The following MTDH variants were observed in gnomAD, a reference collection of about 807,000 sequenced individuals.
MTDH encodes metadherin.
MTDH carries 34 observed loss-of-function variants against 72.7 expected under a neutral mutation model. The ratio of observed to expected loss-of-function variants is 0.47; its 90% CI spans 0.36 to 0.62. The LOEUF is 0.62. Among genes scored for constraint, MTDH ranks in the 20% least tolerant of loss-of-function variants. MTDH has a pLI of 0.00. For missense variants in MTDH, 677 were observed against 699.4 expected (o/e 0.97, Z 0.36); for synonymous variants, 266 against 268.9 (o/e 0.99, Z 0.10).
intron 7 of MTDH, among the ~76,000 whole-genome samples, chr8:97,705,339 C>A (rs541369327): frequency 6.6e-6 from 1 of 151,478 alleles, no homozygotes; most frequent in Non-Finnish European, 1.5e-5. Context: ...TGGTGCCTCA[C>A]GCCTATAATC....
At chr8:97,723,916 T>C (rs1815248426) in intron 11 of MTDH, among the ~76,000 whole-genome samples, 1 of 152,012 alleles carries the variant, frequency 6.6e-6, no homozygotes, top group Non-Finnish European at 1.5e-5. Context: ...AAGACCAGCG[T>C]GGCCAACATG....
At chr8:97,682,592 C>T (rs893914384) in intron 2 of MTDH, among the ~76,000 whole-genome samples, 5 of 151,746 alleles carry the variant, frequency 3.3e-5, no homozygotes, top group Non-Finnish European at 5.9e-5. Flanking sequence ...TGAGCCACCG[C>T]ACCTGGCCTT....
rs1812772889 is a variant in MTDH, at chr8:97,674,768, A to G, written c.484-11900A>G. On this transcript the variant is annotated intron_variant, in intron 2 of 11. Coordinates refer to ENST00000336273, the MANE Select transcript of MTDH (RefSeq NM_178812.4). Reference sequence around the variant, plus strand: ...TAGTTGAAAACCTTATACACCAGTCAGTAGTCTGCAGACCAAAACATCATA... The same window carrying G: ...TAGTTGAAAACCTTATACACCAGTCGGTAGTCTGCAGACCAAAACATCATA... 2.0e-5 allele frequency among the ~76,000 whole-genome samples: 3 copies of G among 152,196 alleles called. 1 individual carries two copies. The South Asian group carries it at 6.2e-4, about 31-fold the overall frequency.
chr8:97,659,211 G>A (rs983891401), intron 1 of MTDH, among the ~76,000 whole-genome samples: 2 of 151,802 alleles, frequency 1.3e-5, no homozygotes, highest in African/African-American at 4.8e-5. Flanking sequence ...ATGTAGATAC[G>A]GCCCTAAGTC....
chr8:97,679,699 A>C (rs1812993256), intron 2 of MTDH, among the ~76,000 whole-genome samples: 1 of 152,254 alleles, frequency 6.6e-6, no homozygotes, highest in African/African-American at 2.4e-5. Flanking sequence ...TCAGTGTAGT[A>C]GAATGTGTAT....
chr8:97,653,642 G>C (rs1441103611), intron 1 of MTDH, among the ~76,000 whole-genome samples: 1 of 152,124 alleles, frequency 6.6e-6, no homozygotes, highest in Non-Finnish European at 1.5e-5. Context: ...ATTCATTTTT[G>C]TTGTGCTTTG....
rs1814024388 is a variant in MTDH, at chr8:97,699,696, AT to A, written c.1049-57del. On this transcript the variant is annotated intron_variant, in intron 6 of 11. Coordinates refer to ENST00000336273, the MANE Select transcript of MTDH (RefSeq NM_178812.4). Reference sequence around the variant, plus strand: ...CGTGTCAAAGTATAGAACTATTGTTATGAAACATCATTAGGAAATTCCATTT... The same window carrying A: ...CGTGTCAAAGTATAGAACTATTGTTAGAAACATCATTAGGAAATTCCATTT... 5 of 1,177,608 alleles carry A rather than the reference AT, an allele frequency of 4.2e-6. No homozygotes were observed. The Admixed American group carries it at 6.9e-5, about 16-fold the overall frequency. 72.9% of individuals were successfully genotyped at this position (1,177,608 alleles called of 1,614,324 possible). A position where few individuals can be genotyped will look rare whatever the true frequency, so the allele number is the denominator to read the frequency against.
At position 97,682,260 on chromosome 8, in the gene MTDH, A is replaced by T. The variant is rs1319109593; in HGVS notation, c.484-4408A>T. Among the ~76,000 whole-genome samples the T allele has an allele frequency of 3.0e-3, 16 of 5,344 alleles. No individual in the cohort carries two copies. The East Asian group carries it at 0.062, about 21-fold the overall frequency. The allele number at this position is 5,344 out of a possible 152,430, so 3.5% of individuals were successfully genotyped here. ...TATATATATATATATATATATATAT[A>T]TATATATATATATATATATATTTTT... On this transcript the variant is annotated intron_variant, in intron 2 of 11. Coordinates refer to ENST00000336273, the MANE Select transcript of MTDH (RefSeq NM_178812.4).
At chr8:97,689,843 G>A (rs1813515255) in intron 5 of MTDH, among the ~76,000 whole-genome samples, 1 of 151,240 alleles carries the variant, frequency 6.6e-6, no homozygotes, top group African/African-American at 2.4e-5. Flanking sequence ...GAGTAGCAGG[G>A]ATTACAGGCG....
chr8:97,658,310 G>A (rs1410538482), intron 1 of MTDH, among the ~76,000 whole-genome samples: 1 of 152,242 alleles, frequency 6.6e-6, no homozygotes, highest in African/African-American at 2.4e-5. Context: ...GAGCGTATGA[G>A]CACCTTTGGC....
chr8:97,670,014 C>T (rs943146655), intron 2 of MTDH, among the ~76,000 whole-genome samples: 5 of 152,040 alleles, frequency 3.3e-5, no homozygotes, highest in Admixed American at 2.6e-4. Context: ...CTTTCTCTCA[C>T]CGCTATAAAG....
intron 6 of MTDH, among the ~76,000 whole-genome samples, chr8:97,697,870 G>C (rs901321332): frequency 1.3e-5 from 2 of 152,124 alleles, no homozygotes; most frequent in Admixed American, 6.6e-5. Flanking sequence ...CAACACACAT[G>C]CTATTCCCTT....
At chr8:97,661,936 A>G (rs949857158) in intron 2 of MTDH, among the ~76,000 whole-genome samples, 2 of 149,954 alleles carry the variant, frequency 1.3e-5, no homozygotes, top group African/African-American at 5.0e-5. Flanking sequence ...AAAAAAAAAG[A>G]AAAAAGATAT....
intron 4 of MTDH, 89 bp downstream of exon 4, chr8:97,687,694 A>C: frequency 8.7e-7 from 1 of 1,142,908 alleles, no homozygotes; most frequent in Non-Finnish European, 1.2e-6. Flanking sequence ...AAATCTGACT[A>C]TTTTGAATGC....
In MTDH at chr8:97,644,872, G is replaced by C. The variant is rs1811504256; in HGVS notation, c.366G>C (p.Leu122=). The change falls in exon 1 of 12, where the codon CTG becomes CTC. Residue 122 remains leucine, a synonymous_variant. Coordinates refer to ENST00000336273, the MANE Select transcript of MTDH (RefSeq NM_178812.4). Reference sequence around the variant, plus strand: ...AGAAGAAGAAGAACCGGAAGAAACTGTCCGAGAAGCCCAAAGTGAGTATGG... The same window carrying C: ...AGAAGAAGAAGAACCGGAAGAAACTCTCCGAGAAGCCCAAAGTGAGTATGG... ...EEQKKKNRKK[L]SEKPKPNGRT... 1.9e-6 allele frequency: 3 copies of C among 1,564,254 alleles called. No homozygotes were observed. The highest frequency in any genetic ancestry group is 2.1e-5 in the Admixed American group (1 of 47,928).
intron 2 of MTDH, among the ~76,000 whole-genome samples, chr8:97,682,031 G>A (rs2130985710): frequency 6.6e-6 from 1 of 151,214 alleles, no homozygotes; most frequent in East Asian, 1.9e-4. Context: ...AAAGAACTGT[G>A]GTAACAAGGA....
Position 97,644,500 on chromosome 8 carries a change from A to T in MTDH, c.-7A>T. On this transcript the variant is annotated 5_prime_UTR_variant, in exon 1 of 12. Coordinates refer to ENST00000336273, the MANE Select transcript of MTDH (RefSeq NM_178812.4). ...TCATCCTGCGAGTCCCTCTGACGGGAGGGAAGATGGCTGCACGGAGCTGGC... is the reference window on the plus strand; with the variant it reads ...TCATCCTGCGAGTCCCTCTGACGGGTGGGAAGATGGCTGCACGGAGCTGGC... 6.4e-7 allele frequency: 1 copy of T among 1,569,200 alleles called. No homozygotes were observed. Among genetic ancestry groups the T allele is most frequent in the Non-Finnish European group, 8.6e-7 (1 of 1,165,426 alleles).
At chr8:97,720,251 C>T (rs1271064309) in intron 10 of MTDH, among the ~76,000 whole-genome samples, 3 of 152,096 alleles carry the variant, frequency 2.0e-5, no homozygotes, top group Non-Finnish European at 4.4e-5. Context: ...CGCCACTGCA[C>T]TCCAGCCTGG....
At chr8:97,705,898 A>G (rs1814330950) in intron 7 of MTDH, among the ~76,000 whole-genome samples, 1 of 152,226 alleles carries the variant, frequency 6.6e-6, no homozygotes, top group South Asian at 2.1e-4. Context: ...TAAGTCATTG[A>G]TAGCTTCCTC....
Sources: allele counts gnomAD v4.1 joint callset (sites outside exome capture counted in the v4.1 genomes callset), GRCh38; gene constraint gnomAD v4.1.1; transcripts MANE v1.5; gene names NCBI Gene and HGNC (gene_info 2026-07-23, HGNC 2026-07-21).